CCDC137: variants seen among roughly 807,000 people sequenced by gnomAD.
The protein encoded by CCDC137 is coiled-coil domain containing 137.
In CCDC137, 24 loss-of-function variants were observed where a neutral mutation model predicts 30.4. The observed-to-expected ratio is 0.79, with a 90% CI of 0.57 to 1.11. The LOEUF is 1.11. Ranked by LOEUF, CCDC137 falls within the 50% of genes least tolerant of loss-of-function variation. The pLI, the probability that CCDC137 is intolerant of heterozygous loss-of-function variation, is 0.00. For synonymous variants in CCDC137, 182 were observed against 155.7 expected (o/e 1.17, Z -1.26); for missense variants, 417 against 380.4 (o/e 1.10, Z -0.80).
At chr17:81,671,940 C>T in intron 4 of CCDC137, 114 bp downstream of exon 4, 3 of 1,462,120 alleles carry the variant, frequency 2.1e-6, no homozygotes, top group Non-Finnish European at 2.9e-6. Flanking sequence ...CCCCTGGGGT[C>T]CACAGCCATT....
intron 1 of CCDC137, 57 bp downstream of exon 1, chr17:81,666,957 A>C: frequency 8.1e-7 from 1 of 1,240,272 alleles, no homozygotes; most frequent in Non-Finnish European, 1.0e-6. Context: ...GACGCCTTGA[A>C]GGCTCCGCCC....
At chr17:81,668,041 G>C (rs1482807011) in intron 2 of CCDC137, among the ~76,000 whole-genome samples, 179 bp downstream of exon 2, 1 of 152,206 alleles carries the variant, frequency 6.6e-6, no homozygotes. Context: ...TGTGGTTCCA[G>C]ACGAGGCTTG....
intron 4 of CCDC137, 28 bp from the exon 5 acceptor site, chr17:81,672,048 A>T (rs1378315165): frequency 6.2e-7 from 1 of 1,612,674 alleles, no homozygotes; most frequent in Non-Finnish European, 8.5e-7. Flanking sequence ...TGTGGGCAGC[A>T]GTCCTCAGTT....
intron 3 of CCDC137, among the ~76,000 whole-genome samples, chr17:81,670,670 T>A (rs1349184304): frequency 6.6e-6 from 1 of 152,190 alleles, no homozygotes; most frequent in Non-Finnish European, 1.5e-5. Flanking sequence ...CTGGGAACTC[T>A]GCGGAGACCT....
chr17:81,673,366 G>A lies in CCDC137; in HGVS notation c.*662G>A, dbSNP rs2036746060. 6.6e-6 allele frequency: 1 copy of A among 152,204 alleles called. No individual in the cohort carries two copies. The highest frequency in any genetic ancestry group is 1.5e-5 in the Non-Finnish European group (1 of 68,094). 9.4% of individuals were successfully genotyped at this position (152,204 alleles called of 1,614,324 possible). On this transcript the variant is annotated 3_prime_UTR_variant, in exon 6 of 6. Coordinates refer to ENST00000329214, the MANE Select transcript of CCDC137 (RefSeq NM_199287.3). ...AGTTCGAACCAGCCTGGCCAACATGGTGAAACTGCATCTCTACTAAAAATA... is the reference window on the plus strand; with the variant it reads ...AGTTCGAACCAGCCTGGCCAACATGATGAAACTGCATCTCTACTAAAAATA...
In CCDC137 at chr17:81,672,500, C is replaced by T. The variant is rs1343300741; in HGVS notation, c.666C>T (p.Gly222=). 6.4e-7 allele frequency: 1 copy of T among 1,556,914 alleles called. No individual in the cohort carries two copies. Among genetic ancestry groups the T allele is most frequent in the South Asian group, 1.2e-5 (1 of 84,602 alleles). The change falls in exon 6 of 6, where the codon GGC becomes GGT. Residue 222 remains glycine, a synonymous_variant. Coordinates refer to ENST00000329214, the MANE Select transcript of CCDC137 (RefSeq NM_199287.3). ...CCCTCCCCTCTCTCCCTCAGCCTGG[C>T]AGGAGATCGCAGATGCTGCGGATGC... is the stretch of plus-strand genomic sequence containing the variant. ...PQRSVSKDQP[G]RRSQMLRMLL...
chr17:81,670,306 G>C lies in CCDC137; in HGVS notation c.350G>C (p.Arg117Thr), dbSNP rs774638123. ...PDIAVPKFKQ[R>T]KGESDGAYIH... ...ATCGCAGTCCCCAAGTTCAAACAGA[G>C]GAAGGGGGAGTCTGACGGGGCCTAT... The change falls in exon 3 of 6, where the codon AGG becomes ACG. Residue 117 changes from arginine to threonine, a missense_variant. By Grantham distance (71) the Arg-to-Thr change is moderately conservative. Transcript: ENST00000329214. The C allele has an allele frequency of 6.2e-7, 1 of 1,614,074 alleles. No individual in the cohort carries two copies. Among genetic ancestry groups the C allele is most frequent in the Non-Finnish European group, 8.5e-7 (1 of 1,180,036 alleles).
intron 2 of CCDC137, among the ~76,000 whole-genome samples, chr17:81,668,881 G>A (rs2036684479): frequency 7.4e-6 from 1 of 135,820 alleles, no homozygotes; most frequent in Non-Finnish European, 1.6e-5. Flanking sequence ...TTTTGTGTGT[G>A]GTTTTTTTTT....
chr17:81,670,286 A>T lies in CCDC137; in HGVS notation c.330A>T (p.Ala110=). 1.9e-6 allele frequency: 3 copies of T among 1,614,064 alleles called. No homozygotes were observed. The highest frequency in any genetic ancestry group is 2.5e-6 in the Non-Finnish European group (3 of 1,180,030). Residue 110 remains alanine, a synonymous_variant, in exon 3 of 6, where the codon GCA becomes GCT. Coordinates refer to ENST00000329214, the MANE Select transcript of CCDC137 (RefSeq NM_199287.3). ...CAAAGGGAGAGGAGCCCGACATCGC[A>T]GTCCCCAAGTTCAAACAGAGGAAGG... The part of the protein sequence containing the change: ...KEAKGEEPDI[A]VPKFKQRKGE...
chr17:81,670,019 T>C (rs1189464467), intron 2 of CCDC137: 1 of 585,006 alleles, frequency 1.7e-6, no homozygotes, highest in Non-Finnish European at 3.1e-6. Flanking sequence ...GCAGTGGACA[T>C]CTGTGACAGG....
rs528867894 is a variant in CCDC137, at chr17:81,673,706, C to T, written c.*1002C>T. 1 of 152,420 alleles carries T rather than the reference C, an allele frequency of 6.6e-6. No individual in the cohort carries two copies. Among genetic ancestry groups the T allele is most frequent in the South Asian group, 2.1e-4 (1 of 4,830 alleles). The allele number at this position is 152,420 out of a possible 1,614,324, so 9.4% of individuals were successfully genotyped here. A position where few individuals can be genotyped will look rare whatever the true frequency, so the allele number is the denominator to read the frequency against. ...GCACCATCTGGGAACTGAGAAGCAC[C>T]TCTGCCCGGCCCCCACACCGTGTGG... On this transcript the variant is annotated 3_prime_UTR_variant, in exon 6 of 6. Coordinates refer to ENST00000329214, the MANE Select transcript of CCDC137 (RefSeq NM_199287.3).
At chr17:81,668,337 A>G (rs780814529) in intron 2 of CCDC137, among the ~76,000 whole-genome samples, 1 of 152,100 alleles carries the variant, frequency 6.6e-6, no homozygotes, top group Non-Finnish European at 1.5e-5. Context: ...TCAGGAGCTG[A>G]AGGAGGAAAT....
Position 81,667,872 on chromosome 17 carries a change from G to C in CCDC137, c.268+10G>C. On this transcript the variant is annotated intron_variant, in intron 2 of 5. Coordinates refer to ENST00000329214, the MANE Select transcript of CCDC137 (RefSeq NM_199287.3). Reference sequence around the variant, plus strand: ...AAGAGGAAGAAAGCAGGTGTGTGCAGGCCCATACTGGGCGGCAGTGAAGCT... The same window carrying C: ...AAGAGGAAGAAAGCAGGTGTGTGCACGCCCATACTGGGCGGCAGTGAAGCT... 3.1e-6 allele frequency: 5 copies of C among 1,609,718 alleles called. No homozygotes were observed. The highest frequency in any genetic ancestry group is 1.1e-5 in the South Asian group (1 of 90,772).
rs972106622 is a variant in CCDC137, at chr17:81,672,982, C to G, written c.*278C>G. ...CATTCTGAGTCTCAGCCCAGGTGGA[C>G]CTTAGGAAGGGCTGGATCCCTGTCC... On this transcript the variant is annotated 3_prime_UTR_variant, in exon 6 of 6. Coordinates refer to ENST00000329214, the MANE Select transcript of CCDC137 (RefSeq NM_199287.3). 2 of 500,952 alleles carry G rather than the reference C, an allele frequency of 4.0e-6. No individual in the cohort carries two copies. The highest frequency in any genetic ancestry group is 3.9e-5 in the African/African-American group (2 of 51,794). The allele number at this position is 500,952 out of a possible 1,614,324, so 31.0% of individuals were successfully genotyped here.
intron 2 of CCDC137, 40 bp downstream of exon 2, chr17:81,667,902 G>A (rs1212503195): frequency 3.1e-6 from 5 of 1,601,440 alleles, no homozygotes; most frequent in Non-Finnish European, 4.3e-6. Context: ...GAAGCTTTGT[G>A]TGTCTCAACC....
chr17:81,667,887 G>A (rs371342181), intron 2 of CCDC137, 25 bp downstream of exon 2: 1 of 1,605,944 alleles, frequency 6.2e-7, no homozygotes, highest in Non-Finnish European at 8.5e-7. Flanking sequence ...ATACTGGGCG[G>A]CAGTGAAGCT....
chr17:81,669,956 G>A (rs185374574), intron 2 of CCDC137: 128 of 447,934 alleles, frequency 2.9e-4, no homozygotes, highest in African/African-American at 2.4e-3. Context: ...CATTCAACCA[G>A]CCACCTAGGG....
chr17:81,671,468 C>T (rs1437206832), intron 3 of CCDC137: 4 of 449,818 alleles, frequency 8.9e-6, no homozygotes, highest in Non-Finnish European at 1.6e-5. Flanking sequence ...CCCTTGCCCA[C>T]GTGTCTGCAC....
intron 2 of CCDC137, among the ~76,000 whole-genome samples, chr17:81,669,388 G>A (rs542996558): frequency 1.4e-5 from 2 of 138,794 alleles, no homozygotes; most frequent in African/African-American, 2.7e-5. Context: ...CAGGTGATCC[G>A]CCCACCTCAG....
Sources: gnomAD v4.1 joint callset for allele counts (sites outside exome capture counted in the v4.1 genomes callset) on GRCh38, gnomAD v4.1.1 for gene constraint, MANE v1.5 for transcripts, NCBI Gene and HGNC (gene_info 2026-07-23, HGNC 2026-07-21) for gene names.